The following RIMS1 variants were observed in gnomAD, a reference collection of about 807,000 sequenced individuals.
RIMS1 encodes regulating synaptic membrane exocytosis 1.
Under a neutral mutation model 214.1 loss-of-function variants are expected in RIMS1, and 83 were observed. That is an observed-to-expected ratio of 0.39 (90% CI 0.32 to 0.47). RIMS1 has a LOEUF of 0.47. RIMS1 is among the 20% of genes least tolerant of loss of function. The probability of loss-of-function intolerance (pLI) is 0.99; values close to 1 mark genes in which losing one functional copy is unlikely to be tolerated. For synonymous variants in RIMS1, 793 were observed against 786.8 expected, an observed-to-expected ratio of 1.01 and a Z score of -0.13; for missense variants, 2,050 against 2,161.8, an observed-to-expected ratio of 0.95 and a Z score of 1.03.
intron 2 of RIMS1, among the ~76,000 whole-genome samples, chr6:72,082,459 G>C (rs569034708): frequency 1.3e-5 from 2 of 152,274 alleles, no homozygotes; most frequent in African/African-American, 4.8e-5. Context: ...GGAAGAGGTG[G>C]AGTCTTTGCA....
chr6:72,103,616 T>C (rs908004731), intron 4 of RIMS1, among the ~76,000 whole-genome samples: 2 of 152,144 alleles, frequency 1.3e-5, no homozygotes, highest in Non-Finnish European at 2.9e-5. Flanking sequence ...TTAAGGACTA[T>C]GGACAAAATT....
At chr6:72,110,204 T>C (rs1451766393) in intron 4 of RIMS1, among the ~76,000 whole-genome samples, 1 of 152,212 alleles carries the variant, frequency 6.6e-6, no homozygotes, top group Non-Finnish European at 1.5e-5. Context: ...TGGTTCCATA[T>C]GAACTTTAAA....
At chr6:72,340,112 G>C (rs919925341) in intron 29 of RIMS1, among the ~76,000 whole-genome samples, 7 of 151,858 alleles carry the variant, frequency 4.6e-5, no homozygotes, top group Non-Finnish European at 1.0e-4. Flanking sequence ...CATATCCTTC[G>C]CCCACTTGTT....
chr6:72,395,192 A>C (rs2098758331), intron 31 of RIMS1, among the ~76,000 whole-genome samples: 1 of 152,066 alleles, frequency 6.6e-6, no homozygotes, highest in Non-Finnish European at 1.5e-5. Flanking sequence ...AACTTACTCT[A>C]ATAGGAGCCT....
chr6:71,915,927 T>C (rs995684660), intron 1 of RIMS1, among the ~76,000 whole-genome samples: 8 of 151,912 alleles, frequency 5.3e-5, no homozygotes, highest in Non-Finnish European at 1.0e-4. Context: ...GAACTCTCCT[T>C]TATAAAACCA....
intron 4 of RIMS1, among the ~76,000 whole-genome samples, chr6:72,149,614 A>T (rs76602261): frequency 6.6e-6 from 1 of 152,226 alleles, no homozygotes; most frequent in Non-Finnish European, 1.5e-5. Context: ...TTGGAGGTAC[A>T]GTGCTTATCT....
At chr6:72,347,154 T>G (rs913017529) in intron 29 of RIMS1, among the ~76,000 whole-genome samples, 1 of 151,908 alleles carries the variant, frequency 6.6e-6, no homozygotes, top group East Asian at 1.9e-4. Context: ...TATGCCCCCA[T>G]AGATAAGACT....
intron 29 of RIMS1, among the ~76,000 whole-genome samples, chr6:72,374,103 T>A (rs544117230): frequency 1.3e-5 from 2 of 152,092 alleles, no homozygotes; most frequent in East Asian, 3.9e-4. Context: ...TTAGTAGACA[T>A]GGGGTTTCAG....
intron 6 of RIMS1, among the ~76,000 whole-genome samples, chr6:72,199,861 A>C (rs1160052029): frequency 1.3e-5 from 2 of 152,114 alleles, no homozygotes; most frequent in East Asian, 3.8e-4. Context: ...ACATATAGAG[A>C]CAAATTATTT....
intron 29 of RIMS1, among the ~76,000 whole-genome samples, chr6:72,339,342 T>C (rs931106288): frequency 6.6e-6 from 1 of 152,006 alleles, no homozygotes. Flanking sequence ...TGCAGGTTTG[T>C]TACATATGTA....
At chr6:72,100,096 A>C (rs1012389578) in intron 4 of RIMS1, 110 bp downstream of exon 4, 6 of 858,654 alleles carry the variant, frequency 7.0e-6, no homozygotes, top group Non-Finnish European at 1.9e-6. Context: ...AAGAAATTAT[A>C]TACTAGGAAG....
intron 4 of RIMS1, among the ~76,000 whole-genome samples, chr6:72,123,632 C>CT (rs1451628691): frequency 6.6e-6 from 1 of 151,800 alleles, no homozygotes; most frequent in Non-Finnish European, 1.5e-5. Flanking sequence ...TCTCTAAGGA[C>CT]TTGCCTTATG....
chr6:72,275,826 T>C (rs924494406), intron 23 of RIMS1, among the ~76,000 whole-genome samples: 17 of 152,208 alleles, frequency 1.1e-4, no homozygotes, highest in Non-Finnish European at 2.1e-4. Context: ...ACCCCTACTA[T>C]GCACCCTATC....
intron 1 of RIMS1, among the ~76,000 whole-genome samples, chr6:71,951,761 C>G (rs1789653793): frequency 6.6e-6 from 1 of 151,540 alleles, no homozygotes; most frequent in African/African-American, 2.4e-5. Flanking sequence ...AATCCCAGCA[C>G]TCTCCCAAAG....
chr6:72,313,357 G>T, intron 27 of RIMS1, 149 bp from the exon 28 acceptor site: 1 of 582,732 alleles, frequency 1.7e-6, no homozygotes, highest in Non-Finnish European at 2.9e-6. Flanking sequence ...GAAATCATAT[G>T]GTAGTATTTG....
In RIMS1 at chr6:72,250,354, G is replaced by C; in HGVS notation, c.2266G>C (p.Gly756Arg). ...GGTGAAGTTGTGGTATGATAAAGTG[G>C]GACACCAGCTGATTGTAAATGTTCT... ...LSVKLWYDKV[G>R]HQLIVNVLQA... is the part of the protein sequence containing the mutation. Residue 756 changes from glycine (G) to arginine (R), a missense_variant, in exon 13 of 34, where the codon GGA becomes CGA. By Grantham distance (125) the Gly-to-Arg change is moderately radical. Coordinates refer to ENST00000521978, the MANE Select transcript of RIMS1 (RefSeq NM_014989.7). The C allele has an allele frequency of 6.2e-7, 1 of 1,608,444 alleles. No homozygotes were observed. The highest frequency in any genetic ancestry group is 8.5e-7 in the Non-Finnish European group (1 of 1,177,464).
rs765994033 is a variant in RIMS1, at chr6:71,960,521, A to G, written c.165-8462A>G. ...ACTTTTGTTTATACAACTAAAGCCCATGATGATGTTTCACACAGAAGCACC... is the reference window on the plus strand; with the variant it reads ...ACTTTTGTTTATACAACTAAAGCCCGTGATGATGTTTCACACAGAAGCACC... On this transcript the variant is annotated intron_variant, in intron 1 of 33. Transcript: ENST00000521978. Among the ~76,000 whole-genome samples, 7 of 152,172 alleles carry G rather than the reference A, an allele frequency of 4.6e-5. 1 individual carries two copies. The highest frequency in any genetic ancestry group is 7.4e-5 in the Non-Finnish European group (5 of 68,004).
intron 2 of RIMS1, among the ~76,000 whole-genome samples, chr6:72,057,498 C>CT (rs56115719): frequency 0.12 from 14,620 of 126,236 alleles, 932 homozygotes; most frequent in Non-Finnish European, 0.16. Flanking sequence ...CCTTCTTTTT[C>CT]TTTTTTTTTT....
intron 1 of RIMS1, among the ~76,000 whole-genome samples, chr6:71,901,320 T>G (rs1435864825): frequency 1.3e-5 from 2 of 152,120 alleles, no homozygotes; most frequent in Admixed American, 6.6e-5. Flanking sequence ...AGAATCTTCA[T>G]AGCAACCTTA....
Sources: allele counts gnomAD v4.1 joint callset (sites outside exome capture counted in the v4.1 genomes callset), GRCh38; gene constraint gnomAD v4.1.1; transcripts MANE v1.5; gene names NCBI Gene and HGNC (gene_info 2026-07-23, HGNC 2026-07-21).